ARHGEF12: variants seen among roughly 807,000 people sequenced by gnomAD.
The protein encoded by ARHGEF12 is KMT2A/ARHGEF12 fusion protein.
Under a neutral mutation model 211.2 loss-of-function variants are expected in ARHGEF12, and 66 were observed. The observed-to-expected ratio is 0.31, with a 90% CI of 0.26 to 0.38. The LOEUF (loss-of-function observed/expected upper bound fraction) is 0.38. Among genes scored for constraint, ARHGEF12 ranks in the 10% least tolerant of loss-of-function variants. ARHGEF12 has a pLI of 1.00. For synonymous variants in ARHGEF12, 592 were observed against 638.4 expected (o/e 0.93, Z 1.09); for missense variants, 1,429 against 1,869.5 (o/e 0.76, Z 4.34).
At chr11:120,396,380 GA>G (rs1028003379) in intron 1 of ARHGEF12, among the ~76,000 whole-genome samples, 5 of 151,836 alleles carry the variant, frequency 3.3e-5, no homozygotes, top group Non-Finnish European at 7.4e-5. Flanking sequence ...CTTCTTCAAA[GA>G]AAAAAATATG....
rs192719576 is a variant in ARHGEF12, at chr11:120,457,753, G to A, written c.2222G>A (p.Arg741Gln). Residue 741 changes from arginine to glutamine, a missense_variant, in exon 24 of 41, where the codon CGA becomes CAA. Arg to Gln is a conservative substitution (Grantham distance 43, BLOSUM62 1). Coordinates refer to ENST00000397843, the MANE Select transcript of ARHGEF12 (RefSeq NM_015313.3). ...GAACATGGGACACCAAAGCCCTTTCGAAAGTAAGTAAATCTTAAGCAGCTT... is the reference window on the plus strand; with the variant it reads ...GAACATGGGACACCAAAGCCCTTTCAAAAGTAAGTAAATCTTAAGCAGCTT... ...VTEHGTPKPF[R>Q]KFDSVAFGES... is the part of the protein sequence containing the mutation. 1.2e-4 allele frequency: 199 copies of A among 1,608,348 alleles called. 3 individuals are homozygous for A. The highest frequency in any genetic ancestry group is 6.9e-4 in the East Asian group (31 of 44,808).
intron 1 of ARHGEF12, among the ~76,000 whole-genome samples, chr11:120,342,983 G>A (rs933911500): frequency 2.0e-5 from 3 of 151,904 alleles, no homozygotes; most frequent in Admixed American, 6.6e-5. Flanking sequence ...AACATTCCTC[G>A]ATGTTTGGTT....
chr11:120,365,238 C>A (rs1432837561), intron 1 of ARHGEF12, among the ~76,000 whole-genome samples: 2 of 151,886 alleles, frequency 1.3e-5, no homozygotes, highest in Non-Finnish European at 2.9e-5. Context: ...TAAGTGAAAC[C>A]TCTGTTTAGT....
chr11:120,456,357 A>G (rs1226727710), intron 22 of ARHGEF12, among the ~76,000 whole-genome samples: 1 of 152,242 alleles, frequency 6.6e-6, no homozygotes, highest in Non-Finnish European at 1.5e-5. Flanking sequence ...AAAAACATAG[A>G]CATGTCATTT....
Position 120,476,707 on chromosome 11 carries a change from G to T in ARHGEF12, c.3324G>T (p.Gln1108His). The T allele has an allele frequency of 6.2e-7, 1 of 1,613,198 alleles. No individual in the cohort carries two copies. The highest frequency in any genetic ancestry group is 8.5e-7 in the Non-Finnish European group (1 of 1,179,638). Reference protein sequence around the residue: ...FVISMSDNGAQIYELVAQTVS... With the variant: ...FVISMSDNGAHIYELVAQTVS... Reference sequence around the variant, plus strand: ...TTTCCATGTCAGACAATGGCGCTCAGATTTATGAACTGGTGGCACAGACAG... The same window carrying T: ...TTTCCATGTCAGACAATGGCGCTCATATTTATGAACTGGTGGCACAGACAG... The change falls in exon 34 of 41, where the codon CAG becomes CAT. Residue 1108 changes from glutamine (Q) to histidine (H), a missense_variant. This residue lies in a region of ARHGEF12 where 223 missense variants were observed against 444.6 expected (regional missense o/e 0.50). Transcript: ENST00000397843.
intron 11 of ARHGEF12, among the ~76,000 whole-genome samples, chr11:120,432,142 G>C (rs771417240): frequency 2.6e-5 from 4 of 152,134 alleles, no homozygotes; most frequent in Non-Finnish European, 5.9e-5. Flanking sequence ...CTTTTACAGG[G>C]ATGGAATTTC....
At chr11:120,442,066 T>A (rs1945883691) in intron 14 of ARHGEF12, 38 bp from the exon 15 acceptor site, 1 of 1,436,998 alleles carries the variant, frequency 7.0e-7, no homozygotes. Flanking sequence ...TTTTCATGGT[T>A]CCTCATTTTG....
intron 1 of ARHGEF12, chr11:120,337,827 A>G: frequency 1.0e-6 from 1 of 985,446 alleles, no homozygotes; most frequent in Non-Finnish European, 1.2e-6. Context: ...AGTAAATCAC[A>G]GGTTCTTGCT....
intron 1 of ARHGEF12, among the ~76,000 whole-genome samples, chr11:120,377,187 A>G (rs1292806883): frequency 1.3e-5 from 2 of 152,200 alleles, no homozygotes; most frequent in African/African-American, 2.4e-5. Flanking sequence ...ACAAGTGTGT[A>G]TACTTTTTAA....
intron 7 of ARHGEF12, 31 bp downstream of exon 7, chr11:120,424,446 T>G: frequency 1.2e-6 from 2 of 1,600,724 alleles, no homozygotes; most frequent in African/African-American, 2.7e-5. Flanking sequence ...GTTTTAATTG[T>G]TTTCTGAAAC....
At chr11:120,347,272 G>GTC (rs1285576340) in intron 1 of ARHGEF12, among the ~76,000 whole-genome samples, 19 of 53,806 alleles carry the variant, frequency 3.5e-4, no homozygotes, top group African/African-American at 1.1e-3. Context: ...CTCTCTGTCT[G>GTC]TGTGTGTGTG....
rs186861589 is a variant in ARHGEF12 at position 120,485,764 on chromosome 11, G to A, written c.*687G>A. On this transcript the variant is annotated 3_prime_UTR_variant, in exon 41 of 41. Coordinates refer to ENST00000397843, the MANE Select transcript of ARHGEF12 (RefSeq NM_015313.3). ...TCAGAGAGTGGATGGGCTTCCTCCC[G>A]CCCTGAGGCAAGCACCTCTTCTCTG... The A allele has an allele frequency of 6.6e-4, 153 of 233,512 alleles. 2 individuals are homozygous for A. Among genetic ancestry groups the A allele is most frequent in the East Asian group, 6.0e-3 (100 of 16,556 alleles). The allele number at this position is 233,512 out of a possible 1,614,324, so 14.5% of individuals were successfully genotyped here.
At chr11:120,470,470 G>A (rs1350915435) in intron 30 of ARHGEF12, among the ~76,000 whole-genome samples, 2 of 152,214 alleles carry the variant, frequency 1.3e-5, no homozygotes, top group African/African-American at 4.8e-5. Context: ...TTGTGGGGAA[G>A]ATGATGAGGT....
At chr11:120,440,096 A>G (rs374540074) in intron 12 of ARHGEF12, 33 bp from the exon 13 acceptor site, 1 of 1,516,412 alleles carries the variant, frequency 6.6e-7, no homozygotes, top group Non-Finnish European at 9.1e-7. Flanking sequence ...CCACCAGGTA[A>G]TTTTTCTGTT....
In ARHGEF12 at chr11:120,424,256, C is replaced by G. The variant is rs1022150869; in HGVS notation, c.349-102C>G. The G allele has an allele frequency of 7.2e-6, 5 of 697,958 alleles. No homozygotes were observed. In the Admixed American group the frequency reaches 1.2e-4, roughly 17 times the overall value. The allele number at this position is 697,958 out of a possible 1,614,324, so 43.2% of individuals were successfully genotyped here. On this transcript the variant is annotated intron_variant, in intron 6 of 40. Transcript: ENST00000397843. ...TAAATATTTTAATGTAATGTGATTA[C>G]TATATTATATTGGTTATATTATGTA...
chr11:120,370,881 T>G (rs1159936165), intron 1 of ARHGEF12, among the ~76,000 whole-genome samples: 1 of 152,110 alleles, frequency 6.6e-6, no homozygotes, highest in African/African-American at 2.4e-5. Flanking sequence ...AATTTTATAT[T>G]GTTTTGGCTG....
intron 30 of ARHGEF12, among the ~76,000 whole-genome samples, chr11:120,469,995 A>G (rs1368191335): frequency 6.6e-6 from 1 of 152,244 alleles, no homozygotes; most frequent in African/African-American, 2.4e-5. Flanking sequence ...TGACGGAAAA[A>G]GAAAGCATGG....
chr11:120,448,520 C>A lies in ARHGEF12; in HGVS notation c.1737+172C>A, dbSNP rs1946111742. Reference sequence around the variant, plus strand: ...AGAAACTCAAAATACAGTGAGAAATCCAGACATATAAACTATTATTAGACA... The same window carrying A: ...AGAAACTCAAAATACAGTGAGAAATACAGACATATAAACTATTATTAGACA... On this transcript the variant is annotated intron_variant, in intron 20 of 40. Transcript: ENST00000397843. 3 of 596,576 alleles carry A rather than the reference C, an allele frequency of 5.0e-6. No individual in the cohort carries two copies. In the East Asian group the frequency reaches 8.5e-5, roughly 17 times the overall value. 37.0% of individuals were successfully genotyped at this position (596,576 alleles called of 1,614,324 possible). A position where few individuals can be genotyped will look rare whatever the true frequency, so the allele number is the denominator to read the frequency against.
At chr11:120,484,637 C>G (rs985808675) in intron 40 of ARHGEF12, 130 bp downstream of exon 40, 6 of 829,288 alleles carry the variant, frequency 7.2e-6, no homozygotes, top group Non-Finnish European at 1.1e-5. Flanking sequence ...CTGCCTGTTT[C>G]TAAACATCAG....
Sources: allele counts gnomAD v4.1 joint callset (sites outside exome capture counted in the v4.1 genomes callset), GRCh38; gene constraint gnomAD v4.1.1; regional missense constraint gnomAD v4.1.1; transcripts MANE v1.5; gene names NCBI Gene and HGNC (gene_info 2026-07-23, HGNC 2026-07-21).